The following NSD2 variants were observed in gnomAD, a reference collection of about 807,000 sequenced individuals.
NSD2 encodes the protein histone-lysine N-methyltransferase NSD2.
Under a neutral mutation model 139.0 loss-of-function variants are expected in NSD2, and 12 were observed. The ratio of observed to expected loss-of-function variants is 0.09; its 90% CI spans 0.06 to 0.14. The LOEUF (loss-of-function observed/expected upper bound fraction) is 0.14. NSD2 is among the 10% of genes least tolerant of loss of function. The pLI, the probability that NSD2 is intolerant of heterozygous loss-of-function variation, is 1.00. For synonymous variants in NSD2, 669 were observed against 648.7 expected (o/e 1.03, Z -0.48); for missense variants, 1,155 against 1,745.0 (o/e 0.66, Z 6.02).
At position 1,916,372 on chromosome 4, in the gene NSD2, G is replaced by T. The variant is rs148090826; in HGVS notation, c.761-499G>T. 2.3e-3 allele frequency among the ~76,000 whole-genome samples: 355 copies of T among 152,008 alleles called. 3 individuals carry two copies. The highest frequency in any genetic ancestry group is 7.8e-3 in the African/African-American group (325 of 41,444). On this transcript the variant is annotated intron_variant, in intron 3 of 21. Transcript: ENST00000508803. ...TTTCTTTTTTTGTTTTTGAGACAGG[G>T]TCTAGCTCTGTCACCCAGGCTGGAG...
chr4:1,961,070 C>T lies in NSD2; in HGVS notation c.3291C>T (p.Ile1097=), dbSNP rs576705403. 2.5e-6 allele frequency: 4 copies of T among 1,613,520 alleles called. No homozygotes were observed. Among genetic ancestry groups the T allele is most frequent in the South Asian group, 2.2e-5 (2 of 91,044 alleles). ...EFVNEYVGEL[I]DEEECMARIK... Reference sequence around the variant, plus strand: ...TTAACGAGTACGTTGGGGAGCTGATCGACGAGGAGGAGTGCATGGCGAGAA... The same window carrying T: ...TTAACGAGTACGTTGGGGAGCTGATTGACGAGGAGGAGTGCATGGCGAGAA... Residue 1097 remains isoleucine, a synonymous_variant, in exon 18 of 22, where the codon ATC becomes ATT. Transcript: ENST00000508803.
chr4:1,926,788 A>T (rs2108839472), intron 5 of NSD2, among the ~76,000 whole-genome samples: 1 of 152,268 alleles, frequency 6.6e-6, no homozygotes, highest in Non-Finnish European at 1.5e-5. Context: ...TAATTTTTAA[A>T]GGCTTTTCTA....
chr4:1,934,585 C>A (rs1377651692), intron 6 of NSD2, among the ~76,000 whole-genome samples: 1 of 150,538 alleles, frequency 6.6e-6, no homozygotes, highest in Non-Finnish European at 1.5e-5. Context: ...CGCGGTGGCT[C>A]ACGCCTGTAA....
In NSD2 at chr4:1,972,281, A is replaced by AGT. The variant is rs1430664747; in HGVS notation, c.3373-2580_3373-2579dup. On this transcript the variant is annotated intron_variant, in intron 18 of 21. Transcript: ENST00000508803. The surrounding 1 kb of genome is among the most constrained non-coding windows in gnomAD (Gnocchi z 4.0). Reference sequence around the variant, plus strand: ...ACGGACACAAGAGATGATATGGATGAGTGGCGGTACAGGCTATGTCTCAGC... The same window carrying AGT: ...ACGGACACAAGAGATGATATGGATGAGTGTGGCGGTACAGGCTATGTCTCAGC... 7.2e-5 allele frequency among the ~76,000 whole-genome samples: 11 copies of AGT among 152,246 alleles called. No individual in the cohort carries two copies. The highest frequency in any genetic ancestry group is 1.3e-4 in the Admixed American group (2 of 15,298).
At position 1,901,011 on chromosome 4, in the gene NSD2, T is replaced by A; in HGVS notation, c.357T>A (p.Asn119Lys). Residue 119 changes from asparagine (N) to lysine (K), a missense_variant, in exon 2 of 22, where the codon AAT becomes AAA. By Grantham distance (94) the Asn-to-Lys change is moderately conservative (BLOSUM62 0). This residue lies in a region of NSD2 where 246 missense variants were observed against 262.8 expected (regional missense o/e 0.94). Transcript: ENST00000508803. ...GTPPNTTPIK[N>K]GSPEIKLKIT... is the part of the protein sequence containing the mutation. ...CCCCTAACACTACCCCTATCAAAAA[T>A]GGCTCTCCAGAAATTAAGCTGAAAA... The A allele has an allele frequency of 6.2e-7, 1 of 1,614,180 alleles. No individual in the cohort carries two copies. The highest frequency in any genetic ancestry group is 8.5e-7 in the Non-Finnish European group (1 of 1,180,040).
intron 6 of NSD2, among the ~76,000 whole-genome samples, chr4:1,931,421 A>C (rs1337985624): frequency 6.6e-6 from 1 of 152,252 alleles, no homozygotes; most frequent in Non-Finnish European, 1.5e-5. Context: ...GAAGATGTGT[A>C]ACAGTGGTTA....
At chr4:1,953,008 A>G in intron 11 of NSD2, 1 of 1,439,508 alleles carries the variant, frequency 6.9e-7, no homozygotes. Context: ...CAAGGAGGAA[A>G]GGCCTCTTTT....
chr4:1,975,188 G>C, intron 19 of NSD2, 106 bp from the exon 20 acceptor site: 1 of 1,406,406 alleles, frequency 7.1e-7, no homozygotes, highest in Non-Finnish European at 9.9e-7. Context: ...AGCCAGTACA[G>C]ATACAAAAAT....
intron 1 of NSD2, among the ~76,000 whole-genome samples, chr4:1,875,826 G>A (rs1283046672): frequency 6.6e-6 from 1 of 151,546 alleles, no homozygotes; most frequent in Non-Finnish European, 1.5e-5. Context: ...GGAGAATGGC[G>A]TTAACCCAGG....
chr4:1,921,366 G>A (rs1220082356), intron 5 of NSD2, among the ~76,000 whole-genome samples: 1 of 152,176 alleles, frequency 6.6e-6, no homozygotes, highest in Non-Finnish European at 1.5e-5. Context: ...GGCTGAGGCA[G>A]GAGAATTACT....
chr4:1,943,317 T>C, intron 9 of NSD2: 1 of 1,043,936 alleles, frequency 9.6e-7, no homozygotes, highest in Non-Finnish European at 1.2e-6. Flanking sequence ...CTGACTAATA[T>C]TTTGTTGTAA....
At chr4:1,949,083 C>A (rs952730747) in intron 9 of NSD2, among the ~76,000 whole-genome samples, 1 of 152,240 alleles carries the variant, frequency 6.6e-6, no homozygotes, top group African/African-American at 2.4e-5. Context: ...GCCCTGTGCT[C>A]CCCTGGCTCC....
chr4:1,877,626 C>T (rs749212102), intron 1 of NSD2, among the ~76,000 whole-genome samples: 27 of 152,190 alleles, frequency 1.8e-4, no homozygotes, highest in Non-Finnish European at 3.4e-4. Context: ...GTGCCTGACT[C>T]CTGCCTGTTT....
At chr4:1,897,464 T>G (rs1376553630) in intron 1 of NSD2, among the ~76,000 whole-genome samples, 4 of 151,868 alleles carry the variant, frequency 2.6e-5, no homozygotes. Context: ...GCACTCCAGC[T>G]TCGGTGGTAG....
chr4:1,938,393 TTTCTTTTC>T, intron 7 of NSD2, 50 bp from the exon 8 acceptor site: 4 of 1,292,340 alleles, frequency 3.1e-6, no homozygotes, highest in Non-Finnish European at 3.1e-6. Flanking sequence ...TTTTCCTTTT[TTTCTTTTC>T]TTTTTTTTTT....
chr4:1,929,228 G>T (rs1721331801), intron 5 of NSD2, among the ~76,000 whole-genome samples: 1 of 151,998 alleles, frequency 6.6e-6, no homozygotes, highest in African/African-American at 2.4e-5. Context: ...CCATGGTGGG[G>T]CCATGGGAGG....
chr4:1,978,961 T>C lies in NSD2; in HGVS notation c.*52T>C, dbSNP rs1160478814. 2.8e-6 allele frequency: 4 copies of C among 1,445,070 alleles called. No homozygotes were observed. Among genetic ancestry groups the C allele is most frequent in the South Asian group, 1.5e-5 (1 of 67,070 alleles). 89.5% of individuals were successfully genotyped at this position (1,445,070 alleles called of 1,614,324 possible). ...AGGGGCGGTGCAGGGCGGCCGGCCC[T>C]GCCTGCGGGAGAGGGCGAGCATGAA... On this transcript the variant is annotated 3_prime_UTR_variant, in exon 22 of 22. Coordinates refer to ENST00000508803, the MANE Select transcript of NSD2 (RefSeq NM_001042424.3).
chr4:1,925,389 C>CTTTTTT (rs34335852), intron 5 of NSD2, among the ~76,000 whole-genome samples: 3 of 38,000 alleles, frequency 7.9e-5, no homozygotes, highest in Non-Finnish European at 1.3e-4. Context: ...CTTTTTCTTT[C>CTTTTTT]TTTTTTTTTT....
chr4:1,968,300 C>T (rs1418428744), intron 18 of NSD2, among the ~76,000 whole-genome samples: 1 of 152,102 alleles, frequency 6.6e-6, no homozygotes, highest in Non-Finnish European at 1.5e-5. Context: ...CAGGTTGTGT[C>T]AAATTATGAT....
Sources: allele counts gnomAD v4.1 joint callset (sites outside exome capture counted in the v4.1 genomes callset), GRCh38; gene constraint gnomAD v4.1.1; regional missense constraint gnomAD v4.1.1; non-coding constraint Gnocchi (gnomAD v3.1); transcripts MANE v1.5; gene names NCBI Gene and HGNC (gene_info 2026-07-23, HGNC 2026-07-21).